TRPM3: variants seen among roughly 807,000 people sequenced by gnomAD.
The protein encoded by TRPM3 is long transient receptor potential channel 3.
In TRPM3, 77 loss-of-function variants were observed where a neutral mutation model predicts 181.2. That is an observed-to-expected ratio of 0.42 (90% CI 0.35 to 0.51). The LOEUF is 0.51. Ranked by LOEUF, TRPM3 falls within the 20% of genes least tolerant of loss-of-function variation. The probability of loss-of-function intolerance (pLI) is 0.01; values close to 1 mark genes in which losing one functional copy is unlikely to be tolerated. For synonymous variants in TRPM3, 745 were observed against 796.4 expected (o/e 0.94, Z 1.09); for missense variants, 1,759 against 2,196.7 (o/e 0.80, Z 3.98).
intron 16 of TRPM3, among the ~76,000 whole-genome samples, chr9:70,619,559 G>A (rs571588784): frequency 2.6e-5 from 4 of 151,500 alleles, no homozygotes; most frequent in South Asian, 2.1e-4. Flanking sequence ...GACTACAGGC[G>A]TGCACCATCA....
intron 1 of TRPM3, among the ~76,000 whole-genome samples, chr9:71,046,173 G>A (rs2059413773): frequency 6.6e-6 from 1 of 152,088 alleles, no homozygotes; most frequent in Non-Finnish European, 1.5e-5. Flanking sequence ...TTTTAGTAGA[G>A]ATGGGGTTTC....
In TRPM3 at chr9:71,139,565, G is replaced by A. The variant is rs540335899; in HGVS notation, c.184-275054C>T. On this transcript the variant is annotated intron_variant, in intron 1 of 24. Coordinates refer to the TRPM3 transcript ENST00000357533. ...GGTAATAAAAGTAATGTCTGAGCTC[G>A]TAAATAATTTATTTTAAAAATTTTG... 2.1e-4 allele frequency among the ~76,000 whole-genome samples: 32 copies of A among 152,224 alleles called. No homozygotes were observed. The South Asian group carries it at 3.9e-3, about 19-fold the overall frequency.
At chr9:71,290,914 A>G (rs1287561509) in intron 1 of TRPM3, among the ~76,000 whole-genome samples, 1 of 152,132 alleles carries the variant, frequency 6.6e-6, no homozygotes, top group African/African-American at 2.4e-5. Flanking sequence ...AGGCAAGGAA[A>G]AAAGAAAACA....
chr9:70,535,316 T>A lies in TRPM3; in HGVS notation c.*637A>T. 1 of 1,220,356 alleles carries A rather than the reference T, an allele frequency of 8.2e-7. No individual in the cohort carries two copies. Among genetic ancestry groups the A allele is most frequent in the Admixed American group, 2.1e-5 (1 of 48,184 alleles). The allele number at this position is 1,220,356 out of a possible 1,614,324, so 75.6% of individuals were successfully genotyped here. A position where few individuals can be genotyped will look rare whatever the true frequency, so the allele number is the denominator to read the frequency against. On this transcript the variant is annotated 3_prime_UTR_variant, in exon 26 of 26. Coordinates refer to ENST00000677713, the MANE Select transcript of TRPM3 (RefSeq NM_001366145.2). ...AGTTGTGGCACCAGAAGTGAATAGA[T>A]AAGAGACAGGTGAACTATGACTGTT...
rs758428614 is a variant in TRPM3, at chr9:70,625,277, C to G, written c.1723G>C (p.Glu575Gln). The part of the protein sequence containing the change: ...ISLIDIGLVI[E>Q]YLMGGAYRCN... Reference sequence around the variant, plus strand: ...CGATAAGCCCCGCCCATCAGGTACTCGATCACCAGGCCGATGTCAATCAGG... The same window carrying G: ...CGATAAGCCCCGCCCATCAGGTACTGGATCACCAGGCCGATGTCAATCAGG... Residue 575 changes from glutamate to glutamine, a missense_variant, in exon 14 of 26, where the codon GAG becomes CAG. Glu to Gln is a conservative substitution (Grantham distance 29). This residue lies in a region of TRPM3 where 737 missense variants were observed against 957.4 expected (regional missense o/e 0.77). Transcript: ENST00000677713. This position sits in a 1 kb window ranked among gnomAD's most constrained non-coding sequence, Gnocchi z 4.8. The G allele has an allele frequency of 1.5e-5, 25 of 1,614,102 alleles. No homozygotes were observed. Among genetic ancestry groups the G allele is most frequent in the South Asian group, 3.3e-5 (3 of 91,076 alleles).
intron 1 of TRPM3, among the ~76,000 whole-genome samples, chr9:71,173,135 G>A (rs1289212942): frequency 6.6e-6 from 1 of 152,058 alleles, no homozygotes; most frequent in Non-Finnish European, 1.5e-5. Flanking sequence ...TTTACAACTA[G>A]ACTATATGTG....
chr9:70,860,152 G>A (rs2095487245), intron 3 of TRPM3, among the ~76,000 whole-genome samples: 2 of 152,112 alleles, frequency 1.3e-5, no homozygotes. Context: ...TGTATACCAG[G>A]TACTTTTAAT....
chr9:70,998,361 G>C (rs1158823141), intron 1 of TRPM3, among the ~76,000 whole-genome samples: 1 of 150,928 alleles, frequency 6.6e-6, no homozygotes, highest in Non-Finnish European at 1.5e-5. Flanking sequence ...TTACTTTCTA[G>C]AACAATTTTA....
chr9:70,567,930 A>G (rs2051075328), intron 22 of TRPM3, among the ~76,000 whole-genome samples: 1 of 152,206 alleles, frequency 6.6e-6, no homozygotes, highest in Non-Finnish European at 1.5e-5. Flanking sequence ...AAATATACGC[A>G]TACACACACA....
intron 6 of TRPM3, among the ~76,000 whole-genome samples, chr9:70,803,291 G>T (rs1365093724): frequency 6.6e-6 from 1 of 152,002 alleles, no homozygotes; most frequent in Non-Finnish European, 1.5e-5. Flanking sequence ...CTTCCTCTTG[G>T]AAATACACTC....
At chr9:71,096,608 T>A (rs2067310518) in intron 1 of TRPM3, among the ~76,000 whole-genome samples, 1 of 149,556 alleles carries the variant, frequency 6.7e-6, no homozygotes, top group African/African-American at 2.5e-5. Context: ...TCTCTCTCTC[T>A]CTCTCTCTCT....
At chr9:71,111,745 G>C (rs755876559) in intron 1 of TRPM3, among the ~76,000 whole-genome samples, 3 of 152,152 alleles carry the variant, frequency 2.0e-5, no homozygotes, top group Non-Finnish European at 4.4e-5. Context: ...ATTTCTTATG[G>C]AAGCCTATAT....
At chr9:71,303,572 T>C (rs929842164) in intron 1 of TRPM3, among the ~76,000 whole-genome samples, 1 of 152,224 alleles carries the variant, frequency 6.6e-6, no homozygotes, top group African/African-American at 2.4e-5. Flanking sequence ...CTTGGCACTT[T>C]ACTGTTTTTA....
At chr9:70,579,914 G>C (rs1056157950) in intron 22 of TRPM3, among the ~76,000 whole-genome samples, 7 of 152,298 alleles carry the variant, frequency 4.6e-5, no homozygotes, top group Admixed American at 4.6e-4. Flanking sequence ...GCTTCTGGCT[G>C]CTCAGGGTCC....
chr9:71,389,145 A>T (rs2132933267), intron 1 of TRPM3, among the ~76,000 whole-genome samples: 1 of 152,290 alleles, frequency 6.6e-6, no homozygotes, highest in East Asian at 1.9e-4. Context: ...TAAGAAAAAA[A>T]CAATCCCATC....
intron 1 of TRPM3, among the ~76,000 whole-genome samples, chr9:71,324,765 A>C (rs1399942244): frequency 6.6e-6 from 1 of 152,158 alleles, no homozygotes; most frequent in Non-Finnish European, 1.5e-5. Context: ...GTATATATAC[A>C]CAATAGTATA....
At chr9:71,174,278 A>G (rs1401300346) in intron 1 of TRPM3, among the ~76,000 whole-genome samples, 1 of 152,142 alleles carries the variant, frequency 6.6e-6, no homozygotes, top group African/African-American at 2.4e-5. Context: ...ACAGTGGTTC[A>G]GGCCTGTAAT....
intron 1 of TRPM3, among the ~76,000 whole-genome samples, chr9:71,413,114 G>T (rs1421854137): frequency 6.6e-6 from 1 of 152,006 alleles, no homozygotes; most frequent in Non-Finnish European, 1.5e-5. Context: ...TGGGGGAGGG[G>T]GACGGATAGC....
At chr9:71,197,927 C>T (rs1358490170) in intron 1 of TRPM3, among the ~76,000 whole-genome samples, 244 of 150,426 alleles carry the variant, frequency 1.6e-3, no homozygotes, top group African/African-American at 2.2e-3. Context: ...TTTGGTGTTT[C>T]AGACATGAAG....
Sources: gnomAD v4.1 joint callset for allele counts (sites outside exome capture counted in the v4.1 genomes callset) on GRCh38, gnomAD v4.1.1 for gene constraint, gnomAD v4.1.1 regional missense constraint, Gnocchi (gnomAD v3.1) non-coding constraint, MANE v1.5 for transcripts, NCBI Gene and HGNC (gene_info 2026-07-23, HGNC 2026-07-21) for gene names.